Variants in KIAA1958 observed in about 807,000 individuals in gnomAD.
KIAA1958 encodes the protein uncharacterized protein KIAA1958.
Under a neutral mutation model 47.2 loss-of-function variants are expected in KIAA1958, and 14 were observed. That is an observed-to-expected ratio of 0.30 (90% confidence interval 0.20 to 0.46). The LOEUF is 0.46. Ranked by LOEUF, KIAA1958 falls within the 20% of genes least tolerant of loss-of-function variation. KIAA1958 has a pLI of 1.00. For synonymous variants in KIAA1958, 354 were observed against 353.3 expected (o/e 1.00, Z -0.02); for missense variants, 803 against 909.2 (o/e 0.88, Z 1.50).
chr9:112,557,876 T>G (rs1167255213), intron 1 of KIAA1958, among the ~76,000 whole-genome samples: 2 of 152,180 alleles, frequency 1.3e-5, no homozygotes, highest in African/African-American at 4.8e-5. Context: ...GTTATAGGAA[T>G]AAATACCTAA....
At chr9:112,596,552 A>C (rs1358005401) in intron 2 of KIAA1958, among the ~76,000 whole-genome samples, 1 of 152,140 alleles carries the variant, frequency 6.6e-6, no homozygotes, top group Non-Finnish European at 1.5e-5. Flanking sequence ...GAAAATACCT[A>C]ACTTTTTTTC....
chr9:112,560,996 A>G (rs561418151), intron 1 of KIAA1958, among the ~76,000 whole-genome samples: 1 of 152,230 alleles, frequency 6.6e-6, no homozygotes, highest in East Asian at 1.9e-4. Context: ...GCTTACACTG[A>G]AAATGGAACA....
rs1304094303 is a variant in KIAA1958, at chr9:112,574,740, A to T, written c.660A>T (p.Thr220=). The T allele has an allele frequency of 6.2e-7, 1 of 1,614,204 alleles. No homozygotes were observed. The highest frequency in any genetic ancestry group is 2.2e-5 in the East Asian group (1 of 44,878). Residue 220 remains threonine (T), a synonymous_variant, in exon 2 of 4, where the codon ACA becomes ACT. Coordinates refer to ENST00000337530, the MANE Select transcript of KIAA1958 (RefSeq NM_133465.4). ...ACATTGTGGCAAATGCAGAACTGAC[A>T]GGAGGAGTAGATGGACCAGCCCTGT... ...DYYIVANAEL[T]GGVDGPALSL...
chr9:112,652,916 G>A (rs148182284), intron 3 of KIAA1958, among the ~76,000 whole-genome samples: 200 of 152,262 alleles, frequency 1.3e-3, no homozygotes, highest in Non-Finnish European at 2.3e-3. Flanking sequence ...ACTGTGCCCC[G>A]CCTAACCCAT....
At chr9:112,622,193 C>T (rs2131220481) in intron 2 of KIAA1958, among the ~76,000 whole-genome samples, 1 of 152,328 alleles carries the variant, frequency 6.6e-6, no homozygotes, top group Middle Eastern at 3.4e-3. Flanking sequence ...TGCATATATA[C>T]TTTAGCAAAA....
intron 1 of KIAA1958, among the ~76,000 whole-genome samples, chr9:112,507,245 C>G (rs777743572): frequency 2.0e-5 from 3 of 152,156 alleles, no homozygotes; most frequent in Non-Finnish European, 4.4e-5. Flanking sequence ...CCCCTGTATC[C>G]TTTGCTAGTC....
intron 2 of KIAA1958, among the ~76,000 whole-genome samples, chr9:112,607,749 C>CAAAAAAAAAAAAAAA (rs367932637): frequency 8.4e-6 from 1 of 118,870 alleles, no homozygotes; most frequent in Non-Finnish European, 1.7e-5. Context: ...ATATCCAAGA[C>CAAAAAAAAAAAAAAA]AAAAAAAAAA....
chr9:112,625,996 C>A lies in KIAA1958; in HGVS notation c.1172-19654C>A, dbSNP rs148415500. Among the ~76,000 whole-genome samples the A allele has an allele frequency of 1.4e-3, 211 of 152,326 alleles. 2 individuals carry two copies. The highest frequency in any genetic ancestry group is 4.9e-3 in the African/African-American group (205 of 41,570). Reference sequence around the variant, plus strand: ...ATCGAGCTACATAGCATCTATACTACTGGTTCTGAATGCAACCCACAGTAT... The same window carrying A: ...ATCGAGCTACATAGCATCTATACTAATGGTTCTGAATGCAACCCACAGTAT... On this transcript the variant is annotated intron_variant, in intron 2 of 3. Coordinates refer to ENST00000337530, the MANE Select transcript of KIAA1958 (RefSeq NM_133465.4).
chr9:112,592,096 C>A (rs1164477915), intron 2 of KIAA1958, among the ~76,000 whole-genome samples: 1 of 152,130 alleles, frequency 6.6e-6, no homozygotes, highest in Non-Finnish European at 1.5e-5. Flanking sequence ...GGAGTCAGGG[C>A]AGAGCAGGTA....
chr9:112,500,769 G>GAA (rs1277669935), intron 1 of KIAA1958, among the ~76,000 whole-genome samples: 1 of 152,030 alleles, frequency 6.6e-6, no homozygotes, highest in Non-Finnish European at 1.5e-5. Flanking sequence ...ATATTTTTGA[G>GAA]AAAAACGACG....
At chr9:112,546,937 G>A (rs6477954) in intron 1 of KIAA1958, among the ~76,000 whole-genome samples, 144,845 of 151,732 alleles carry the variant, frequency 0.95, 69,209 homozygotes, top group African/African-American at 0.99. Flanking sequence ...CCAGAAATAA[G>A]AAATATGTAT....
At chr9:112,624,093 A>AG (rs1375591902) in intron 2 of KIAA1958, among the ~76,000 whole-genome samples, 1 of 152,234 alleles carries the variant, frequency 6.6e-6, no homozygotes, top group African/African-American at 2.4e-5. Context: ...ACCTAAGCCT[A>AG]GGGAGGAAAG....
At chr9:112,653,250 G>A (rs1349137701) in intron 3 of KIAA1958, among the ~76,000 whole-genome samples, 2 of 152,154 alleles carry the variant, frequency 1.3e-5, no homozygotes, top group African/African-American at 4.8e-5. Context: ...AGCATGAAAA[G>A]GTCTTATGGT....
At chr9:112,619,732 TA>T (rs1836468282) in intron 2 of KIAA1958, among the ~76,000 whole-genome samples, 1 of 152,194 alleles carries the variant, frequency 6.6e-6, no homozygotes, top group South Asian at 2.1e-4. Context: ...GAAATGGGTA[TA>T]AATGAAGTTT....
chr9:112,564,914 CTTAT>C (rs1266448643), intron 1 of KIAA1958, among the ~76,000 whole-genome samples: 1 of 152,040 alleles, frequency 6.6e-6, no homozygotes, highest in Non-Finnish European at 1.5e-5. Context: ...GTGCAAGTGA[CTTAT>C]TTATTTCTAA....
intron 1 of KIAA1958, 88 bp from the exon 2 acceptor site, chr9:112,573,963 TGCCAAA>T: frequency 1.5e-6 from 1 of 654,692 alleles, no homozygotes; most frequent in African/African-American, 1.8e-5. Context: ...TTTTTTTTTA[TGCCAAA>T]TGATCATATT....
chr9:112,530,261 A>G (rs1588004111), intron 1 of KIAA1958, among the ~76,000 whole-genome samples: 1 of 152,204 alleles, frequency 6.6e-6, no homozygotes, highest in African/African-American at 2.4e-5. Flanking sequence ...TTTATTTTAT[A>G]CTTTGGATTA....
At chr9:112,619,094 C>A in intron 2 of KIAA1958, 1 of 517,248 alleles carries the variant, frequency 1.9e-6, no homozygotes, top group Non-Finnish European at 2.6e-6. Context: ...GTATTACTAA[C>A]ATAGTATTTA....
chr9:112,637,355 A>C (rs1427783931), intron 2 of KIAA1958, among the ~76,000 whole-genome samples: 1 of 151,920 alleles, frequency 6.6e-6, no homozygotes, highest in African/African-American at 2.4e-5. Context: ...ATTTTGTGTG[A>C]CTGCAGCTGC....
Sources: allele counts gnomAD v4.1 joint callset (sites outside exome capture counted in the v4.1 genomes callset), GRCh38; gene constraint gnomAD v4.1.1; transcripts MANE v1.5; gene names NCBI Gene and HGNC (gene_info 2026-07-23, HGNC 2026-07-21).